Variants in EYS observed in about 807,000 individuals in gnomAD.
EYS encodes EGF-like photoreceptor maintenance factor, also known as protein eyes shut homolog.
A neutral mutation model predicts 282.1 loss-of-function variants in EYS; 250 were observed. That is an observed-to-expected ratio of 0.89 (90% CI 0.80 to 0.98). The LOEUF is 0.98. Among genes scored for constraint, EYS ranks in the 50% least tolerant of loss-of-function variants. EYS has a pLI of 0.00. For missense variants in EYS, 4,016 were observed against 3,709.0 expected (o/e 1.08, Z -2.15); for synonymous variants, 1,355 against 1,282.9 (o/e 1.06, Z -1.20).
At chr6:65,051,185 A>G (rs1194879460) in intron 13 of EYS, among the ~76,000 whole-genome samples, 1 of 151,532 alleles carries the variant, frequency 6.6e-6, no homozygotes, top group African/African-American at 2.4e-5. Flanking sequence ...GCTACTGAAA[A>G]CTTTTATATT....
intron 12 of EYS, among the ~76,000 whole-genome samples, chr6:65,251,199 A>G (rs1298380060): frequency 6.6e-6 from 1 of 151,674 alleles, no homozygotes; most frequent in Non-Finnish European, 1.5e-5. Context: ...TAAAGACAAA[A>G]TTTATCTTCC....
In EYS at chr6:64,591,060, G is replaced by A. The variant is rs1335681251; in HGVS notation, c.4807C>T (p.Gln1603Ter). 1.3e-6 allele frequency: 2 copies of A among 1,551,196 alleles called. No homozygotes were observed. The highest frequency in any genetic ancestry group is 8.7e-7 in the Non-Finnish European group (1 of 1,146,792). Residue 1603 changes from glutamine (Q) to a stop codon, truncating the protein, a stop_gained, in exon 26 of 43, where the codon CAA (glutamine) becomes TAA (stop). Coordinates refer to ENST00000503581, the MANE Select transcript of EYS (RefSeq NM_001142800.2). LOFTEE classifies it high-confidence loss of function. ...AATGAATGCCCAGAAGTGATAGTTTGAGCTCCCATTAGTGCATACCAGCTG... is the reference window on the plus strand; with the variant it reads ...AATGAATGCCCAGAAGTGATAGTTTAAGCTCCCATTAGTGCATACCAGCTG... ...LASWYALMGA[Q>*]TITSGHSFSS...
chr6:65,277,465 C>T (rs926133935), intron 12 of EYS, among the ~76,000 whole-genome samples: 1 of 147,368 alleles, frequency 6.8e-6, no homozygotes, highest in African/African-American at 2.5e-5. Context: ...AAAAAAAAAG[C>T]GCCCCGGAAA....
intron 29 of EYS, among the ~76,000 whole-genome samples, chr6:64,369,596 T>G (rs1772286968): frequency 6.6e-6 from 1 of 152,088 alleles, no homozygotes; most frequent in Non-Finnish European, 1.5e-5. Flanking sequence ...GAGCAATGAT[T>G]TGTAATTCTC....
intron 22 of EYS, among the ~76,000 whole-genome samples, chr6:64,666,709 T>C (rs773571196): frequency 6.6e-6 from 1 of 152,204 alleles, no homozygotes; most frequent in Non-Finnish European, 1.5e-5. Flanking sequence ...TAGATCTATA[T>C]TTTCAGTGGC....
At chr6:64,236,684 C>T (rs962340762) in intron 30 of EYS, among the ~76,000 whole-genome samples, 3 of 151,018 alleles carry the variant, frequency 2.0e-5, no homozygotes, top group South Asian at 2.1e-4. Context: ...GTATGCTTTT[C>T]GTTACAAATA....
At chr6:65,468,758 G>A (rs543810441) in intron 5 of EYS, among the ~76,000 whole-genome samples, 1 of 152,130 alleles carries the variant, frequency 6.6e-6, no homozygotes, top group East Asian at 1.9e-4. Context: ...AATTCTGAGA[G>A]AGAAATTTCA....
intron 14 of EYS, among the ~76,000 whole-genome samples, chr6:64,969,639 A>G (rs1439543840): frequency 6.6e-6 from 1 of 152,066 alleles, no homozygotes; most frequent in East Asian, 1.9e-4. Context: ...TTTTGCTTGA[A>G]GATGGTGCAG....
intron 36 of EYS, among the ~76,000 whole-genome samples, chr6:63,858,299 A>T (rs938966648): frequency 6.6e-6 from 1 of 152,196 alleles, no homozygotes; most frequent in Non-Finnish European, 1.5e-5. Context: ...ACCTCAGGTG[A>T]TCCACCCACC....
intron 12 of EYS, among the ~76,000 whole-genome samples, chr6:65,103,757 C>T (rs1382518350): frequency 6.6e-6 from 1 of 151,456 alleles, no homozygotes; most frequent in Non-Finnish European, 1.5e-5. Flanking sequence ...TATAAGTCCA[C>T]TGAATTTCCT....
At chr6:64,747,536 A>C (rs1009454560) in intron 22 of EYS, among the ~76,000 whole-genome samples, 2 of 152,114 alleles carry the variant, frequency 1.3e-5, no homozygotes, top group African/African-American at 4.8e-5. Flanking sequence ...ACGCATCACC[A>C]TGCCCAGCTA....
intron 29 of EYS, among the ~76,000 whole-genome samples, chr6:64,308,960 G>A (rs1769565604): frequency 6.6e-6 from 1 of 151,688 alleles, no homozygotes; most frequent in Non-Finnish European, 1.5e-5. Context: ...CTTTATTAAT[G>A]TTTTTAATTT....
At chr6:63,793,527 G>C (rs56299797) in intron 37 of EYS, among the ~76,000 whole-genome samples, 1 of 152,174 alleles carries the variant, frequency 6.6e-6, no homozygotes, top group South Asian at 2.1e-4. Flanking sequence ...ATATAAAAAT[G>C]AATGGTAAAT....
intron 13 of EYS, among the ~76,000 whole-genome samples, chr6:64,999,984 T>C (rs1202967628): frequency 6.6e-6 from 1 of 152,170 alleles, no homozygotes; most frequent in Non-Finnish European, 1.5e-5. Flanking sequence ...GAACCCAGGA[T>C]ACAGAAAGCC....
intron 29 of EYS, among the ~76,000 whole-genome samples, chr6:64,350,809 T>C (rs1214051745): frequency 5.9e-5 from 9 of 151,520 alleles, no homozygotes; most frequent in Admixed American, 5.3e-4. Context: ...GTAATCCAAA[T>C]TGTAATTCCC....
At chr6:64,115,164 G>A (rs868569169) in intron 31 of EYS, among the ~76,000 whole-genome samples, 1 of 152,162 alleles carries the variant, frequency 6.6e-6, no homozygotes, top group Non-Finnish European at 1.5e-5. Flanking sequence ...CAGGAACAGT[G>A]GTTGCTCTGC....
At chr6:64,568,982 C>T (rs1379342526) in intron 26 of EYS, among the ~76,000 whole-genome samples, 1 of 134,648 alleles carries the variant, frequency 7.4e-6, no homozygotes, top group East Asian at 2.2e-4. Flanking sequence ...CAAAGGTCAC[C>T]AGCATCAAAG....
intron 26 of EYS, among the ~76,000 whole-genome samples, chr6:64,528,711 A>T (rs1308507624): frequency 6.6e-6 from 1 of 151,896 alleles, no homozygotes; most frequent in East Asian, 1.9e-4. Context: ...CAGCAACTCT[A>T]ATTACTCCTG....
intron 28 of EYS, among the ~76,000 whole-genome samples, chr6:64,433,408 T>A (rs60792654): frequency 0.031 from 4,703 of 152,100 alleles, 228 homozygotes; most frequent in African/African-American, 0.11. Flanking sequence ...TTGACTTTTT[T>A]TCCCCAGGAC....
Sources: allele counts gnomAD v4.1 joint callset (sites outside exome capture counted in the v4.1 genomes callset), GRCh38; gene constraint gnomAD v4.1.1; transcripts MANE v1.5; gene names NCBI Gene and HGNC (gene_info 2026-07-23, HGNC 2026-07-21).